PRPF6: variants seen among roughly 807,000 people sequenced by gnomAD.
PRPF6 encodes the protein pre-mRNA processing factor 6.
PRPF6 carries 42 observed loss-of-function variants against 118.3 expected under a neutral mutation model. The ratio of observed to expected loss-of-function variants is 0.35; its 90% CI spans 0.28 to 0.46. PRPF6 has a LOEUF of 0.46. PRPF6 is among the 20% of genes least tolerant of loss of function. PRPF6 has a pLI of 1.00. For synonymous variants in PRPF6, 481 were observed against 485.1 expected, an observed-to-expected ratio of 0.99 and a Z score of 0.11; for missense variants, 662 against 1,255.7, an observed-to-expected ratio of 0.53 and a Z score of 7.15.
Position 63,995,353 on chromosome 20 carries a change from T to C in PRPF6, c.642T>C (p.Tyr214=). The C allele has an allele frequency of 6.2e-7, 1 of 1,613,546 alleles. No individual in the cohort carries two copies. The highest frequency in any genetic ancestry group is 8.5e-7 in the Non-Finnish European group (1 of 1,179,778). The change falls in exon 6 of 21, where the codon TAT becomes TAC. Residue 214 remains tyrosine, a synonymous_variant. Transcript: ENST00000266079. ...AATTTGGAGGTCTTAACACACCCTA[T>C]CCAGGTGGACTAAACACTCCATACC... ...QTQFGGLNTP[Y]PGGLNTPYPG...
At chr20:64,013,610 A>T (rs1425844015) in intron 11 of PRPF6, among the ~76,000 whole-genome samples, 1 of 151,568 alleles carries the variant, frequency 6.6e-6, no homozygotes, top group Non-Finnish European at 1.5e-5. Context: ...TGCTTGGCCA[A>T]TTTTTTTTAT....
chr20:63,984,069 C>T (rs371567305), intron 2 of PRPF6, among the ~76,000 whole-genome samples: 7 of 152,028 alleles, frequency 4.6e-5, no homozygotes, highest in Non-Finnish European at 7.4e-5. Context: ...GACTGAATAC[C>T]GATTAACTGT....
intron 19 of PRPF6, 84 bp from the exon 20 acceptor site, chr20:64,031,834 C>T: frequency 6.3e-7 from 1 of 1,588,172 alleles, no homozygotes; most frequent in East Asian, 2.2e-5. Context: ...AGGGATGAAG[C>T]TGATGGCCCT....
rs45590942 is a variant in PRPF6, at chr20:64,032,765, G to A, written c.2674-76G>A. ...TGCTGCCAGGGCCAGGTCTGCAGGGGCCAGGCGAGAAGCAGGCGAGGTCCG... is the reference window on the plus strand; with the variant it reads ...TGCTGCCAGGGCCAGGTCTGCAGGGACCAGGCGAGAAGCAGGCGAGGTCCG... On this transcript the variant is annotated intron_variant, in intron 20 of 20. Transcript: ENST00000266079. The A allele has an allele frequency of 5.8e-3, 8,920 of 1,535,170 alleles. 182 individuals carry two copies. Among genetic ancestry groups the A allele is most frequent in the Non-Finnish European group, 3.9e-3 (4,472 of 1,141,746 alleles).
intron 3 of PRPF6, among the ~76,000 whole-genome samples, chr20:63,987,779 G>A (rs950271200): frequency 3.3e-5 from 5 of 152,208 alleles, no homozygotes; most frequent in African/African-American, 1.2e-4. Flanking sequence ...CAGGTGTGGT[G>A]GCTCACACCT....
At chr20:63,992,469 C>T (rs937933816) in intron 3 of PRPF6, among the ~76,000 whole-genome samples, 1 of 151,734 alleles carries the variant, frequency 6.6e-6, no homozygotes, top group Non-Finnish European at 1.5e-5. Context: ...ACCACATTGG[C>T]CAGGCTTGAA....
Position 63,981,306 on chromosome 20 carries a change from CTGGGCCGGGGG to C in PRPF6, c.64_71+3del. 1 of 1,602,724 alleles carries C rather than the reference CTGGGCCGGGGG, an allele frequency of 6.2e-7. No individual in the cohort carries two copies. The highest frequency in any genetic ancestry group is 8.5e-7 in the Non-Finnish European group (1 of 1,174,922). On this transcript the variant is annotated splice_donor_variant and coding_sequence_variant, in exon 1 of 21. Coordinates refer to ENST00000266079, the MANE Select transcript of PRPF6 (RefSeq NM_012469.4). LOFTEE classifies it high-confidence loss of function. ...CGCGCCCCTCGGCTACGTGCCGGGG[CTGGGCCGGGGG>C]TGAGGCCTGGGGCGGCGCGCGAGGG...
chr20:64,004,924 G>A (rs767655798), intron 9 of PRPF6, among the ~76,000 whole-genome samples: 1 of 152,194 alleles, frequency 6.6e-6, no homozygotes, highest in Non-Finnish European at 1.5e-5. Flanking sequence ...AGTGGCCGTC[G>A]CCAGCGTGTC....
At position 64,028,205 on chromosome 20, in the gene PRPF6, C is replaced by T. The variant is rs918632809; in HGVS notation, c.2340-273C>T. ...GGGTGCCTTGTGCGGCCCTGGCTCT[C>T]CCAGTCTGGTCTTGTTTGTTCTGGA... On this transcript the variant is annotated intron_variant, in intron 17 of 20. Transcript: ENST00000266079. The surrounding 1 kb of genome is among the most constrained non-coding windows in gnomAD (Gnocchi z 6.5). Among the ~76,000 whole-genome samples, 1 of 152,210 alleles carries T rather than the reference C, an allele frequency of 6.6e-6. No individual in the cohort carries two copies. The highest frequency in any genetic ancestry group is 6.5e-5 in the Admixed American group (1 of 15,280).
rs764514614 is a variant in PRPF6, at chr20:63,999,739, G to A, written c.1003G>A (p.Gly335Arg). The change falls in exon 8 of 21, where the codon GGG becomes AGG. Residue 335 changes from glycine (G) to arginine (R), a missense_variant. Around this residue, in one of 10 missense-constraint regions of PRPF6, gnomAD observed 71 missense variants for 166.4 expected, o/e 0.43. Transcript: ENST00000266079. ...LQVARNLIMK[G>R]TEMCPKSEDV... is the part of the protein sequence containing the mutation. ...AGTAGCTCGGAACCTTATCATGAAG[G>A]GGACGGAGATGTGCCCCAAGGTGAG... 6.2e-7 allele frequency: 1 copy of A among 1,614,174 alleles called. No individual in the cohort carries two copies. Among genetic ancestry groups the A allele is most frequent in the Admixed American group, 1.7e-5 (1 of 60,018 alleles).
In PRPF6 at chr20:64,011,161, C is replaced by T; in HGVS notation, c.1306-124C>T. On this transcript the variant is annotated intron_variant, in intron 10 of 20. Coordinates refer to ENST00000266079, the MANE Select transcript of PRPF6 (RefSeq NM_012469.4). This position sits in a 1 kb window ranked among gnomAD's most constrained non-coding sequence, Gnocchi z 6.7. Reference sequence around the variant, plus strand: ...CTGTGGACACTTCTCAGGCCATGTTCAGATGGTTCTCGAGAGCTAAGAAAG... The same window carrying T: ...CTGTGGACACTTCTCAGGCCATGTTTAGATGGTTCTCGAGAGCTAAGAAAG... 2.4e-6 allele frequency: 2 copies of T among 816,870 alleles called. No individual in the cohort carries two copies. The highest frequency in any genetic ancestry group is 2.0e-6 in the Non-Finnish European group (1 of 488,334). The allele number at this position is 816,870 out of a possible 1,614,324, so 50.6% of individuals were successfully genotyped here. A position where few individuals can be genotyped will look rare whatever the true frequency, so the allele number is the denominator to read the frequency against.
At chr20:64,023,692 G>T (rs1426283091) in intron 13 of PRPF6, among the ~76,000 whole-genome samples, 1 of 152,240 alleles carries the variant, frequency 6.6e-6, no homozygotes, top group African/African-American at 2.4e-5. Context: ...CTCCTTTGGG[G>T]ACGTTTTGAA....
intron 9 of PRPF6, among the ~76,000 whole-genome samples, chr20:64,003,708 G>T (rs2059177791): frequency 6.6e-6 from 1 of 152,164 alleles, no homozygotes; most frequent in Non-Finnish European, 1.5e-5. Flanking sequence ...CCATTCTCCT[G>T]CCTCAGCCCC....
intron 3 of PRPF6, among the ~76,000 whole-genome samples, chr20:63,991,429 AAAAC>A (rs2059118156): frequency 1.3e-5 from 2 of 152,150 alleles, no homozygotes; most frequent in African/African-American, 2.4e-5. Flanking sequence ...CTCTAAAACA[AAAAC>A]AAAACAAAAA....
Position 64,022,870 on chromosome 20 carries a change from T to G in PRPF6, c.1761T>G (p.His587Gln), listed in dbSNP as rs1284458909. 1.1e-5 allele frequency: 17 copies of G among 1,614,022 alleles called. No homozygotes were observed. Among genetic ancestry groups the G allele is most frequent in the Non-Finnish European group, 1.4e-5 (17 of 1,179,966 alleles). The change falls in exon 13 of 21, where the codon CAT (histidine) becomes CAG (glutamine). Residue 587 changes from histidine to glutamine, a missense_variant. His to Gln is a conservative substitution (Grantham distance 24). Coordinates refer to ENST00000266079, the MANE Select transcript of PRPF6 (RefSeq NM_012469.4). The stretch of plus-strand genomic sequence containing the variant: ...GCGCCGCGTACTTCGAGAAGAACCA[T>G]GGCACTCGGTATGTGGTGGGACCCG... Reference protein sequence around the residue: ...WLRAAYFEKNHGTRESLEALL... With the variant: ...WLRAAYFEKNQGTRESLEALL...
intron 3 of PRPF6, among the ~76,000 whole-genome samples, chr20:63,991,879 C>T (rs1478386380): frequency 6.6e-6 from 1 of 152,084 alleles, no homozygotes; most frequent in African/African-American, 2.4e-5. Flanking sequence ...ACTGTGAATA[C>T]CATATCCTCA....
At chr20:64,020,373 G>A (rs537563415) in intron 12 of PRPF6, among the ~76,000 whole-genome samples, 6 of 152,202 alleles carry the variant, frequency 3.9e-5, no homozygotes, top group African/African-American at 7.2e-5. Flanking sequence ...CTGAGATCGC[G>A]CCACTGCACT....
chr20:64,028,480 T>TG lies in PRPF6; in HGVS notation c.2344dup (p.Glu782GlyfsTer35), dbSNP rs1307978557. The TG allele has an allele frequency of 6.2e-7, 1 of 1,613,932 alleles. No individual in the cohort carries two copies. The highest frequency in any genetic ancestry group is 1.7e-5 in the Admixed American group (1 of 60,028). On this transcript the variant is annotated frameshift_variant, in exon 18 of 21. Transcript: ENST00000266079. LOFTEE classifies it high-confidence loss of function. The surrounding 1 kb of genome is among the most constrained non-coding windows in gnomAD (Gnocchi z 6.5). The stretch of plus-strand genomic sequence containing the variant: ...CCTCCGGGGGCCTGTCTCCTCAGGT[T>TG]GGAGTCCGTGCGGCTGGAGTACCGT...
intron 12 of PRPF6, among the ~76,000 whole-genome samples, chr20:64,020,543 C>T (rs750760894): frequency 3.3e-5 from 5 of 152,182 alleles, no homozygotes; most frequent in South Asian, 2.1e-4. Context: ...GCCAGTCAGA[C>T]GAACCCCCAG....
Sources: gnomAD v4.1 joint callset for allele counts (sites outside exome capture counted in the v4.1 genomes callset) on GRCh38, gnomAD v4.1.1 for gene constraint, gnomAD v4.1.1 regional missense constraint, Gnocchi (gnomAD v3.1) non-coding constraint, MANE v1.5 for transcripts, NCBI Gene and HGNC (gene_info 2026-07-23, HGNC 2026-07-21) for gene names.